Variants in ZFPM2 observed in about 807,000 individuals in gnomAD.
ZFPM2 encodes the protein zinc finger protein, FOG family member 2.
Under a neutral mutation model 98.6 loss-of-function variants are expected in ZFPM2, and 20 were observed. The ratio of observed to expected loss-of-function variants is 0.20; its 90% confidence interval spans 0.14 to 0.29. ZFPM2 has a LOEUF of 0.29. Among genes scored for constraint, ZFPM2 ranks in the 10% least tolerant of loss-of-function variants. The probability of loss-of-function intolerance (pLI) is 1.00; values close to 1 mark genes in which losing one functional copy is unlikely to be tolerated. For missense variants in ZFPM2, 1,310 were observed against 1,388.6 expected (o/e 0.94, Z 0.90); for synonymous variants, 518 against 502.7 (o/e 1.03, Z -0.41).
intron 3 of ZFPM2, among the ~76,000 whole-genome samples, chr8:105,533,249 T>C (rs1416915714): frequency 6.6e-6 from 1 of 152,124 alleles, no homozygotes. Flanking sequence ...ATATTTCAAA[T>C]GGACTGGCCA....
In ZFPM2 at chr8:105,802,285, A is replaced by G; in HGVS notation, c.2203A>G (p.Thr735Ala). ...KVPAMQRTMR[T>A]RKRRKMYEMC... The stretch of plus-strand genomic sequence containing the variant: ...GCCTGCCATGCAGAGAACCATGCGC[A>G]CACGCAAGCGCAGAAAGATGTATGA... The change falls in exon 8 of 8, where the codon ACA (threonine) becomes GCA (alanine). Residue 735 changes from threonine to alanine, a missense_variant. Physicochemically the swap from Thr to Ala is moderately conservative, Grantham distance 58. Coordinates refer to ENST00000407775, the MANE Select transcript of ZFPM2 (RefSeq NM_012082.4). 1.9e-6 allele frequency: 3 copies of G among 1,613,834 alleles called. No homozygotes were observed. Among genetic ancestry groups the G allele is most frequent in the Non-Finnish European group, 2.5e-6 (3 of 1,179,824 alleles).
chr8:105,754,995 T>C (rs1175142636), intron 5 of ZFPM2, among the ~76,000 whole-genome samples: 5 of 151,332 alleles, frequency 3.3e-5, no homozygotes, highest in Admixed American at 6.6e-5. Flanking sequence ...CACGTGCGCA[T>C]GTGCGCATGC....
chr8:105,756,626 A>G (rs1312545386), intron 5 of ZFPM2, among the ~76,000 whole-genome samples: 1 of 152,184 alleles, frequency 6.6e-6, no homozygotes, highest in Non-Finnish European at 1.5e-5. Context: ...ATTTAGCCTG[A>G]TTAATTCTGA....
In ZFPM2 at chr8:105,468,094, ATCT is replaced by A. The variant is rs1293032866; in HGVS notation, c.301+23715_301+23717del. 2.6e-5 allele frequency among the ~76,000 whole-genome samples: 4 copies of A among 151,798 alleles called. No homozygotes were observed. The East Asian group carries it at 7.8e-4, about 29-fold the overall frequency. On this transcript the variant is annotated intron_variant, in intron 3 of 7. Coordinates refer to ENST00000407775, the MANE Select transcript of ZFPM2 (RefSeq NM_012082.4). ...CACTTCTCATAGCTCCCATTTTATC[ATCT>A]TTGTTAAACAAACCATCCTTACTTC...
intron 5 of ZFPM2, among the ~76,000 whole-genome samples, chr8:105,687,601 G>A (rs1281168369): frequency 2.6e-5 from 4 of 152,104 alleles, no homozygotes; most frequent in Non-Finnish European, 4.4e-5. Flanking sequence ...AATTATGTGT[G>A]TAACTGATAA....
At chr8:105,723,824 T>A (rs1811734093) in intron 5 of ZFPM2, among the ~76,000 whole-genome samples, 1 of 151,832 alleles carries the variant, frequency 6.6e-6, no homozygotes, top group South Asian at 2.1e-4. Context: ...CTAATAAATG[T>A]CCTTTGTGGC....
At chr8:105,625,943 G>A (rs1461700604) in intron 4 of ZFPM2, among the ~76,000 whole-genome samples, 2 of 147,958 alleles carry the variant, frequency 1.4e-5, no homozygotes, top group African/African-American at 5.0e-5. Context: ...TTTTGTTTAT[G>A]TAGTTTAAAA....
chr8:105,788,969 AT>A, intron 6 of ZFPM2, 45 bp downstream of exon 6: 1 of 1,469,276 alleles, frequency 6.8e-7, no homozygotes, highest in Non-Finnish European at 9.2e-7. Context: ...GGTGATGGGA[AT>A]TTATGGGAGA....
chr8:105,579,853 A>T (rs1175659943), intron 4 of ZFPM2, among the ~76,000 whole-genome samples: 1 of 152,118 alleles, frequency 6.6e-6, no homozygotes, highest in Non-Finnish European at 1.5e-5. Context: ...TGAAAACTGG[A>T]ATGAGAATTA....
intron 4 of ZFPM2, among the ~76,000 whole-genome samples, chr8:105,608,718 A>G (rs972328241): frequency 2.0e-5 from 3 of 151,882 alleles, no homozygotes; most frequent in Non-Finnish European, 4.4e-5. Flanking sequence ...AAAAAGAAAT[A>G]CAAATATCCA....
rs202084698 is a variant in ZFPM2 at position 105,803,447 on chromosome 8, G to C, written c.3365G>C (p.Arg1122Pro). The C allele has an allele frequency of 1.9e-6, 3 of 1,613,702 alleles. No homozygotes were observed. The South Asian group carries it at 3.3e-5, about 18-fold the overall frequency. Reference protein sequence around the residue: ...SQAPTSGKYCRLCDIQFNNLS... With the variant: ...SQAPTSGKYCPLCDIQFNNLS... ...GCTCCAACCAGTGGGAAATATTGCC[G>C]GCTATGTGATATCCAGTTCAACAAC... Residue 1122 changes from arginine (R) to proline (P), a missense_variant, in exon 8 of 8, where the codon CGG becomes CCG. Transcript: ENST00000407775.
chr8:105,732,783 G>A (rs568400551), intron 5 of ZFPM2, among the ~76,000 whole-genome samples: 16 of 151,934 alleles, frequency 1.1e-4, no homozygotes, highest in Non-Finnish European at 1.8e-4. Context: ...AAGCATTGCA[G>A]TTCTAATGAT....
intron 6 of ZFPM2, among the ~76,000 whole-genome samples, chr8:105,791,486 G>T (rs1468456396): frequency 6.6e-6 from 1 of 151,710 alleles, no homozygotes; most frequent in African/African-American, 2.4e-5. Flanking sequence ...GCTGGATTCA[G>T]TTTGCCAGTA....
intron 5 of ZFPM2, among the ~76,000 whole-genome samples, chr8:105,647,581 A>G (rs1028787463): frequency 2.1e-5 from 3 of 144,754 alleles, no homozygotes; most frequent in East Asian, 2.1e-4. Flanking sequence ...CCTGTGTCCA[A>G]GTGTTCTCAT....
intron 5 of ZFPM2, among the ~76,000 whole-genome samples, chr8:105,646,958 G>C (rs1041505528): frequency 6.6e-6 from 1 of 152,148 alleles, no homozygotes; most frequent in African/African-American, 2.4e-5. Context: ...CAGTGGGAAA[G>C]GGATGTAACC....
intron 4 of ZFPM2, among the ~76,000 whole-genome samples, chr8:105,573,866 T>C (rs7816615): frequency 0.68 from 103,167 of 152,102 alleles, 36,541 homozygotes; most frequent in African/African-American, 0.91. Flanking sequence ...CTGTTATTAC[T>C]CAAAGTGGAT....
chr8:105,338,982 C>T (rs1380022153), intron 1 of ZFPM2, among the ~76,000 whole-genome samples: 10 of 151,734 alleles, frequency 6.6e-5, no homozygotes, highest in Admixed American at 5.9e-4. Context: ...GTGGGGCAGG[C>T]ATATCTCTCA....
intron 7 of ZFPM2, 65 bp downstream of exon 7, chr8:105,799,013 C>T: frequency 4.4e-6 from 6 of 1,350,044 alleles, no homozygotes; most frequent in Non-Finnish European, 6.2e-6. Context: ...AATATATATG[C>T]ATTACATGTA....
rs1814001008 is a variant in ZFPM2 at position 105,801,308 on chromosome 8, A to G, written c.1226A>G (p.Gln409Arg). 6.2e-7 allele frequency: 1 copy of G among 1,613,966 alleles called. No homozygotes were observed. Among genetic ancestry groups the G allele is most frequent in the Admixed American group, 1.7e-5 (1 of 60,010 alleles). The change falls in exon 8 of 8, where the codon CAG becomes CGG. Residue 409 changes from glutamine (Q) to arginine (R), a missense_variant. Gln to Arg is a conservative substitution (Grantham distance 43). Coordinates refer to ENST00000407775, the MANE Select transcript of ZFPM2 (RefSeq NM_012082.4). ...HSPSATEDSL[Q>R]PATDLLTRSE... ...CCAAGTGCAACTGAAGACAGCTTAC[A>G]GCCAGCCACAGACTTATTGACCAGA...
Sources: allele counts gnomAD v4.1 joint callset (sites outside exome capture counted in the v4.1 genomes callset), GRCh38; gene constraint gnomAD v4.1.1; transcripts MANE v1.5; gene names NCBI Gene and HGNC (gene_info 2026-07-23, HGNC 2026-07-21).